Variants in CHD5 observed in about 807,000 individuals in gnomAD.
CHD5 encodes the protein chromodomain helicase DNA binding protein 5.
CHD5 carries 69 observed loss-of-function variants against 230.3 expected under a neutral mutation model. The ratio of observed to expected loss-of-function variants is 0.30; its 90% CI spans 0.25 to 0.37. CHD5 has a LOEUF of 0.37. CHD5 is among the 10% of genes least tolerant of loss of function. The pLI is 1.00. For synonymous variants in CHD5, 1,064 were observed against 1,065.9 expected (o/e 1.00, Z 0.03); for missense variants, 1,827 against 2,622.8 (o/e 0.70, Z 6.63).
Position 6,142,071 on chromosome 1 carries a change from T to C in CHD5, c.2436+57A>G. ...CCAAAGGAGTGCACGGCACCCGTGGTCCCTGAACTAGACCGGGGGCCTTCC... is the reference window on the plus strand; with the variant it reads ...CCAAAGGAGTGCACGGCACCCGTGGCCCCTGAACTAGACCGGGGGCCTTCC... On this transcript the variant is annotated intron_variant, in intron 15 of 41. Transcript: ENST00000262450. The surrounding 1 kb of genome is among the most constrained non-coding windows in gnomAD (Gnocchi z 5.2). 1 of 1,502,632 alleles carries C rather than the reference T, an allele frequency of 6.7e-7. No individual in the cohort carries two copies. Among genetic ancestry groups the C allele is most frequent in the Non-Finnish European group, 9.2e-7 (1 of 1,081,294 alleles). 93.1% of individuals were successfully genotyped at this position (1,502,632 alleles called of 1,614,324 possible).
chr1:6,112,382 C>T (rs1432743802), intron 34 of CHD5, 105 bp from the exon 35 acceptor site: 3 of 1,393,256 alleles, frequency 2.2e-6, no homozygotes, highest in Non-Finnish European at 3.0e-6. Context: ...TAGAAAACAT[C>T]CTCTTGTCCT....
chr1:6,125,272 A>C lies in CHD5; in HGVS notation c.4261-39T>G. 1.5e-5 allele frequency: 15 copies of C among 1,031,154 alleles called. No homozygotes were observed. The highest frequency in any genetic ancestry group is 1.8e-5 in the Non-Finnish European group (13 of 712,652). The allele number at this position is 1,031,154 out of a possible 1,614,324, so 63.9% of individuals were successfully genotyped here. ...GCGTGGGAGTATGAGCCCAGGACAG[A>C]GAGGGGTGGGGGTGGAGGATTCTGG... On this transcript the variant is annotated intron_variant, in intron 28 of 41. Transcript: ENST00000262450. This position sits in a 1 kb window ranked among gnomAD's most constrained non-coding sequence, Gnocchi z 6.7.
In CHD5 at chr1:6,146,741, C is replaced by A. The variant is rs758797269; in HGVS notation, c.1514G>T (p.Gly505Val). The change falls in exon 10 of 42, where the codon GGC becomes GTC. Residue 505 changes from glycine to valine, a missense_variant. Gly to Val is a moderately radical substitution (Grantham distance 109, BLOSUM62 -3). Coordinates refer to ENST00000262450, the MANE Select transcript of CHD5 (RefSeq NM_015557.3). This position sits in a 1 kb window ranked among gnomAD's most constrained non-coding sequence, Gnocchi z 5.1. ...PSLPPPKPLE[G>V]IPEREFFVKW... ...GACAAAGAACTCTCTCTCAGGGATG[C>A]CCTCCAGGGGCTTAGGTGGAGGGAG... The A allele has an allele frequency of 6.2e-7, 1 of 1,612,736 alleles. No individual in the cohort carries two copies. Among genetic ancestry groups the A allele is most frequent in the Non-Finnish European group, 8.5e-7 (1 of 1,179,446 alleles).
chr1:6,127,348 G>A (rs895812485), intron 25 of CHD5, among the ~76,000 whole-genome samples: 9 of 152,166 alleles, frequency 5.9e-5, no homozygotes, highest in African/African-American at 2.2e-4. Context: ...TTAGACAGGC[G>A]TGGTGGTGCA....
chr1:6,175,151 T>G (rs1037783674), intron 1 of CHD5, among the ~76,000 whole-genome samples: 2 of 147,202 alleles, frequency 1.4e-5, no homozygotes, highest in African/African-American at 5.1e-5. Context: ...GGATGGCAGA[T>G]GGATGGATGG....
intron 15 of CHD5, among the ~76,000 whole-genome samples, chr1:6,140,608 C>T (rs1327115796): frequency 6.6e-6 from 1 of 152,186 alleles, no homozygotes; most frequent in African/African-American, 2.4e-5. Context: ...GGCCACGTGA[C>T]TTGCCAGAAG....
intron 33 of CHD5, among the ~76,000 whole-genome samples, chr1:6,120,058 G>A (rs770418740): frequency 1.8e-4 from 27 of 151,764 alleles, no homozygotes; most frequent in African/African-American, 4.8e-4. Context: ...ACTGGGTTTC[G>A]CCATGTTGGC....
intron 33 of CHD5, among the ~76,000 whole-genome samples, chr1:6,116,792 A>T (rs139136967): frequency 7.3e-4 from 112 of 152,394 alleles, no homozygotes; most frequent in Admixed American, 2.0e-3. Context: ...AGCACCATTA[A>T]AGGTGTACTT....
At chr1:6,143,543 C>T (rs893224570) in intron 13 of CHD5, among the ~76,000 whole-genome samples, 3 of 152,194 alleles carry the variant, frequency 2.0e-5, no homozygotes, top group African/African-American at 7.2e-5. Flanking sequence ...CTCCTCAGGG[C>T]CAACCCAGGG....
At position 6,180,101 on chromosome 1, in the gene CHD5, G is replaced by T; in HGVS notation, c.-78C>A. On this transcript the variant is annotated 5_prime_UTR_variant, in exon 1 of 42. Transcript: ENST00000262450. ...TGCCAGCCTTAACCCGTGCGCTGCC[G>T]GACCGGCGCGCGCGGCGGGCGAGGC... is the stretch of plus-strand genomic sequence containing the variant. 1.5e-6 allele frequency: 1 copy of T among 684,938 alleles called. No individual in the cohort carries two copies. Among genetic ancestry groups the T allele is most frequent in the Non-Finnish European group, 1.9e-6 (1 of 529,228 alleles). 42.4% of individuals were successfully genotyped at this position (684,938 alleles called of 1,614,324 possible).
Position 6,148,995 on chromosome 1 carries a change from G to T in CHD5, c.1242C>A (p.Asp414Glu). 6.2e-7 allele frequency: 1 copy of T among 1,608,390 alleles called. No individual in the cohort carries two copies. The highest frequency in any genetic ancestry group is 8.5e-7 in the Non-Finnish European group (1 of 1,177,776). Reference protein sequence around the residue: ...EEGGCEEEEDDHMEFCRVCKD... With the variant: ...EEGGCEEEEDEHMEFCRVCKD... ...TGCACACGCGGCAGAACTCCATGTG[G>T]TCGTCCTCCTCCTCCTCGCAGCCGC... The change falls in exon 9 of 42, where the codon GAC becomes GAA. Residue 414 changes from aspartate to glutamate, a missense_variant. Coordinates refer to ENST00000262450, the MANE Select transcript of CHD5 (RefSeq NM_015557.3).
intron 15 of CHD5, among the ~76,000 whole-genome samples, chr1:6,140,005 G>A (rs1412568869): frequency 2.6e-5 from 4 of 152,210 alleles, no homozygotes; most frequent in Admixed American, 1.3e-4. Context: ...GGGACTCGGA[G>A]GGCCTGTGCG....
chr1:6,162,053 A>C (rs1667187373), intron 2 of CHD5, among the ~76,000 whole-genome samples: 1 of 152,192 alleles, frequency 6.6e-6, no homozygotes, highest in Non-Finnish European at 1.5e-5. Flanking sequence ...GTGAACTGGG[A>C]ATGCCAGAAA....
chr1:6,124,097 A>G lies in CHD5; in HGVS notation c.4550T>C (p.Phe1517Ser). 6.2e-7 allele frequency: 1 copy of G among 1,611,604 alleles called. No homozygotes were observed. The highest frequency in any genetic ancestry group is 8.5e-7 in the Non-Finnish European group (1 of 1,179,290). Residue 1517 changes from phenylalanine to serine, a missense_variant, in exon 31 of 42, where the codon TTT becomes TCT. Phe to Ser is a radical substitution (Grantham distance 155, BLOSUM62 -2). This residue lies in a region of CHD5 where 108 missense variants were observed against 152.4 expected (regional missense o/e 0.71). Coordinates refer to ENST00000262450, the MANE Select transcript of CHD5 (RefSeq NM_015557.3). ...MSLVRKKVQE[F>S]EHVNGKYSTP... Reference sequence around the variant, plus strand: ...GCTGTACTTCCCGTTGACATGCTCAAACTCCTGAACCTGGGGTGGTGGGAG... The same window carrying G: ...GCTGTACTTCCCGTTGACATGCTCAGACTCCTGAACCTGGGGTGGTGGGAG...
intron 3 of CHD5, among the ~76,000 whole-genome samples, chr1:6,156,805 G>T (rs1667087887): frequency 6.6e-6 from 1 of 152,140 alleles, no homozygotes; most frequent in South Asian, 2.1e-4. Context: ...ACATCCCAGG[G>T]GCACAGTGAG....
intron 33 of CHD5, among the ~76,000 whole-genome samples, chr1:6,119,248 GC>G (rs1233039284): frequency 6.6e-6 from 1 of 151,912 alleles, no homozygotes; most frequent in Non-Finnish European, 1.5e-5. Flanking sequence ...ACTGGCGCTC[GC>G]CACCATGCCC....
chr1:6,154,293 C>T lies in CHD5; in HGVS notation c.745+367G>A, dbSNP rs1208464126. Among the ~76,000 whole-genome samples, 1 of 152,160 alleles carries T rather than the reference C, an allele frequency of 6.6e-6. No individual in the cohort carries two copies. The highest frequency in any genetic ancestry group is 1.5e-5 in the Non-Finnish European group (1 of 68,020). On this transcript the variant is annotated intron_variant, in intron 5 of 41. Coordinates refer to ENST00000262450, the MANE Select transcript of CHD5 (RefSeq NM_015557.3). The surrounding 1 kb of genome is among the most constrained non-coding windows in gnomAD (Gnocchi z 7.0). ...AACGGCACAGGCTCAAACCCAAGAG[C>T]CTGCCAACTCCCAGAAACCCAGGCT... is the stretch of plus-strand genomic sequence containing the variant.
rs1666598144 is a variant in CHD5 at position 6,128,429 on chromosome 1, G to A, written c.3730+70C>T. 2 of 1,355,070 alleles carry A rather than the reference G, an allele frequency of 1.5e-6. No individual in the cohort carries two copies. The highest frequency in any genetic ancestry group is 2.1e-6 in the Non-Finnish European group (2 of 956,530). The allele number at this position is 1,355,070 out of a possible 1,614,324, so 83.9% of individuals were successfully genotyped here. On this transcript the variant is annotated intron_variant, in intron 24 of 41. Coordinates refer to ENST00000262450, the MANE Select transcript of CHD5 (RefSeq NM_015557.3). The surrounding 1 kb of genome is among the most constrained non-coding windows in gnomAD (Gnocchi z 7.8). ...GACGCCCAAGTGAGGGCAGGTCAGG[G>A]AACCCCTCCTCTGCAGGAGCAGCCA...
Position 6,153,622 on chromosome 1 carries a change from A to C in CHD5, c.745+1038T>G, listed in dbSNP as rs543428918. Among the ~76,000 whole-genome samples, 13 of 152,324 alleles carry C rather than the reference A, an allele frequency of 8.5e-5. No homozygotes were observed. The South Asian group carries it at 2.3e-3, about 27-fold the overall frequency. On this transcript the variant is annotated intron_variant, in intron 5 of 41. Coordinates refer to ENST00000262450, the MANE Select transcript of CHD5 (RefSeq NM_015557.3). ...GGTGGGCAGATCACCTGAGGTCAGGAGTTCTGAGACCAGCCTGGCCAACAC... is the reference window on the plus strand; with the variant it reads ...GGTGGGCAGATCACCTGAGGTCAGGCGTTCTGAGACCAGCCTGGCCAACAC...
Sources: gnomAD v4.1 joint callset for allele counts (sites outside exome capture counted in the v4.1 genomes callset) on GRCh38, gnomAD v4.1.1 for gene constraint, gnomAD v4.1.1 regional missense constraint, Gnocchi (gnomAD v3.1) non-coding constraint, MANE v1.5 for transcripts, NCBI Gene and HGNC (gene_info 2026-07-23, HGNC 2026-07-21) for gene names.